The following MACROD1 variants were observed in gnomAD, a reference collection of about 807,000 sequenced individuals.
MACROD1 encodes the protein mono-ADP ribosylhydrolase 1.
In MACROD1, 31 loss-of-function variants were observed where a neutral mutation model predicts 41.4. The ratio of observed to expected loss-of-function variants is 0.75; its 90% CI spans 0.56 to 1.01. MACROD1 has a LOEUF of 1.01. MACROD1 is among the 50% of genes least tolerant of loss of function. MACROD1 has a pLI of 0.00. For missense variants in MACROD1, 473 were observed against 460.0 expected (o/e 1.03, Z -0.26); for synonymous variants, 252 against 203.4 (o/e 1.24, Z -2.03).
intron 3 of MACROD1, chr11:64,117,872 T>C: frequency 6.2e-7 from 1 of 1,614,116 alleles, no homozygotes; most frequent in Admixed American, 1.7e-5. Flanking sequence ...GCTATGGCCC[T>C]ACCACCACAC....
chr11:64,152,603 G>A (rs980798585), intron 1 of MACROD1, among the ~76,000 whole-genome samples: 1 of 152,196 alleles, frequency 6.6e-6, no homozygotes, highest in African/African-American at 2.4e-5. Context: ...GGGAAACTGA[G>A]GTCTGGGGAG....
rs181532790 is a variant in MACROD1 at position 64,035,104 on chromosome 11, G to T, written c.518-19823C>A. ...CTCTCACAGTAACCTTTGGAGCTAG[G>T]TAGTAACGGTCCCATTTCACAATCC... On this transcript the variant is annotated intron_variant, in intron 3 of 10. Coordinates refer to ENST00000255681, the MANE Select transcript of MACROD1 (RefSeq NM_014067.4). 2.0e-5 allele frequency among the ~76,000 whole-genome samples: 3 copies of T among 152,268 alleles called. No homozygotes were observed. The East Asian group carries it at 5.8e-4, about 30-fold the overall frequency.
At chr11:64,015,798 G>A (rs1943073317) in intron 3 of MACROD1, among the ~76,000 whole-genome samples, 3 of 151,978 alleles carry the variant, frequency 2.0e-5, no homozygotes, top group African/African-American at 4.8e-5. Flanking sequence ...CTGAGAACGC[G>A]GAGCAGTGCT....
chr11:64,081,818 G>C (rs892465976), intron 3 of MACROD1: 1 of 152,106 alleles, frequency 6.6e-6, no homozygotes, highest in Non-Finnish European at 1.5e-5. Context: ...GAGAGGTCCG[G>C]GTCCGTTCTC....
rs1238995318 is a variant in MACROD1 at position 64,096,729 on chromosome 11, T to G, written c.517+54510A>C. ...ACCGCACCCTACCCTCTCCCCCTTT[T>G]GTGCCTAGAGTTGCTCTGTGAAGGG... On this transcript the variant is annotated intron_variant, in intron 3 of 10. Transcript: ENST00000255681. The surrounding 1 kb of genome is among the most constrained non-coding windows in gnomAD (Gnocchi z 4.6). Among the ~76,000 whole-genome samples the G allele has an allele frequency of 6.6e-6, 1 of 152,180 alleles. No homozygotes were observed. The highest frequency in any genetic ancestry group is 3.2e-3 in the Middle Eastern group (1 of 316).
intron 3 of MACROD1, chr11:64,116,589 G>A (rs573936204): frequency 9.3e-6 from 15 of 1,614,040 alleles, no homozygotes; most frequent in Middle Eastern, 1.6e-4. Flanking sequence ...CAAGGTCAAC[G>A]TGCAGGTCAT....
chr11:64,107,615 A>G (rs756813040), intron 3 of MACROD1, among the ~76,000 whole-genome samples: 6 of 152,358 alleles, frequency 3.9e-5, no homozygotes, highest in Middle Eastern at 3.4e-3. Flanking sequence ...AATTAACTTT[A>G]GGTTTTAAAA....
At position 64,146,739 on chromosome 11, in the gene MACROD1, CACAG is replaced by C. The variant is rs1222960966; in HGVS notation, c.517+4496_517+4499del. On this transcript the variant is annotated intron_variant, in intron 3 of 10. Coordinates refer to ENST00000255681, the MANE Select transcript of MACROD1 (RefSeq NM_014067.4). This position sits in a 1 kb window ranked among gnomAD's most constrained non-coding sequence, Gnocchi z 4.7. ...ACCCACACCCCATGCATCACACAAG[CACAG>C]ACACACACACATCACGCACACACAC... Among the ~76,000 whole-genome samples the C allele has an allele frequency of 6.6e-6, 1 of 152,010 alleles. No individual in the cohort carries two copies. Among genetic ancestry groups the C allele is most frequent in the African/African-American group, 2.4e-5 (1 of 41,372 alleles).
intron 3 of MACROD1, among the ~76,000 whole-genome samples, chr11:64,015,824 G>A (rs998514825): frequency 5.9e-5 from 9 of 152,164 alleles, no homozygotes; most frequent in Admixed American, 5.9e-4. Context: ...GGCGCAGAAG[G>A]GGGCAGGGGC....
In MACROD1 at chr11:64,064,062, C is replaced by T. The variant is rs963877566; in HGVS notation, c.518-48781G>A. ...TTGTAGGTTAGCCAGCTTTGAACAG[C>T]GACACCCACACAAACCCGAGGTCTC... is the stretch of plus-strand genomic sequence containing the variant. On this transcript the variant is annotated intron_variant, in intron 3 of 10. Transcript: ENST00000255681. The surrounding 1 kb of genome is among the most constrained non-coding windows in gnomAD (Gnocchi z 4.5). Among the ~76,000 whole-genome samples the T allele has an allele frequency of 3.3e-5, 5 of 152,168 alleles. No individual in the cohort carries two copies. The highest frequency in any genetic ancestry group is 7.3e-5 in the Non-Finnish European group (5 of 68,032).
At chr11:64,055,947 C>T (rs561021678) in intron 3 of MACROD1, among the ~76,000 whole-genome samples, 30 of 152,322 alleles carry the variant, frequency 2.0e-4, no homozygotes, top group African/African-American at 6.7e-4. Flanking sequence ...AGCCGACAGC[C>T]GTATCAGCAC....
chr11:64,165,657 G>T (rs1379230401), intron 1 of MACROD1, 40 bp downstream of exon 1: 1 of 1,351,832 alleles, frequency 7.4e-7, no homozygotes, highest in Non-Finnish European at 9.6e-7. Context: ...CTCCACGTGA[G>T]GCCGCCCTCT....
intron 3 of MACROD1, among the ~76,000 whole-genome samples, chr11:64,023,486 G>A (rs1402770721): frequency 3.3e-5 from 5 of 152,160 alleles, no homozygotes; most frequent in Non-Finnish European, 5.9e-5. Flanking sequence ...AGTGGGCCCC[G>A]AAGCTGGGTG....
At chr11:64,153,253 C>T (rs1055924080) in intron 1 of MACROD1, among the ~76,000 whole-genome samples, 1 of 152,194 alleles carries the variant, frequency 6.6e-6, no homozygotes, top group Non-Finnish European at 1.5e-5. Flanking sequence ...CCCCTGCTGG[C>T]CCGAGGCCGC....
intron 3 of MACROD1, among the ~76,000 whole-genome samples, chr11:64,052,739 A>G (rs74993433): frequency 0.023 from 3,505 of 152,342 alleles, 132 homozygotes; most frequent in African/African-American, 0.079. Context: ...CCCAGCTTCT[A>G]GGGGTGGAGT....
At chr11:64,018,453 G>A (rs1943111212) in intron 3 of MACROD1, among the ~76,000 whole-genome samples, 1 of 152,198 alleles carries the variant, frequency 6.6e-6, no homozygotes, top group Admixed American at 6.5e-5. Flanking sequence ...CTGTGCAGGG[G>A]AATGGCCCGG....
At chr11:64,002,646 C>A (rs1419878131) in intron 4 of MACROD1, among the ~76,000 whole-genome samples, 4 of 152,296 alleles carry the variant, frequency 2.6e-5, no homozygotes, top group Admixed American at 2.0e-4. Context: ...GCTCTCTCCC[C>A]TGAGAGTGCA....
intron 3 of MACROD1, chr11:64,138,588 G>T (rs992149858): frequency 8.3e-5 from 82 of 983,604 alleles, no homozygotes; most frequent in Non-Finnish European, 9.9e-5. Flanking sequence ...CGCGGGCCCT[G>T]CTGGCAGAGG....
intron 3 of MACROD1, among the ~76,000 whole-genome samples, chr11:64,101,603 A>G (rs965280836): frequency 6.6e-6 from 1 of 152,076 alleles, no homozygotes; most frequent in Non-Finnish European, 1.5e-5. Flanking sequence ...GACTTTTTCC[A>G]TCTCTCGCTT....
Sources: allele counts gnomAD v4.1 joint callset (sites outside exome capture counted in the v4.1 genomes callset), GRCh38; gene constraint gnomAD v4.1.1; non-coding constraint Gnocchi (gnomAD v3.1); transcripts MANE v1.5; gene names NCBI Gene and HGNC (gene_info 2026-07-23, HGNC 2026-07-21).